SLC6A6: variants seen among roughly 807,000 people sequenced by gnomAD.
The protein encoded by SLC6A6 is sodium- and chloride-dependent taurine transporter.
A neutral mutation model predicts 68.8 loss-of-function variants in SLC6A6; 16 were observed. The ratio of observed to expected loss-of-function variants is 0.23; its 90% CI spans 0.16 to 0.35. The LOEUF is 0.35. SLC6A6 is among the 10% of genes least tolerant of loss of function. The pLI is 1.00. For synonymous variants in SLC6A6, 312 were observed against 315.4 expected, an observed-to-expected ratio of 0.99 and a Z score of 0.12; for missense variants, 474 against 802.8, an observed-to-expected ratio of 0.59 and a Z score of 4.95.
At chr3:14,406,564 C>T (rs552215525) in intron 1 of SLC6A6, among the ~76,000 whole-genome samples, 25 of 152,148 alleles carry the variant, frequency 1.6e-4, no homozygotes, top group Non-Finnish European at 2.5e-4. Flanking sequence ...GCTATTTAAC[C>T]GGTACACAGG....
In SLC6A6 at chr3:14,468,339, C is replaced by T; in HGVS notation, c.1096+127C>T. 1.4e-6 allele frequency: 1 copy of T among 735,748 alleles called. No individual in the cohort carries two copies. Among genetic ancestry groups the T allele is most frequent in the Non-Finnish European group, 2.1e-6 (1 of 479,732 alleles). 45.6% of individuals were successfully genotyped at this position (735,748 alleles called of 1,614,324 possible). On this transcript the variant is annotated intron_variant, in intron 9 of 14. Coordinates refer to ENST00000622186, the MANE Select transcript of SLC6A6 (RefSeq NM_003043.6). This position sits in a 1 kb window ranked among gnomAD's most constrained non-coding sequence, Gnocchi z 4.5. ...CGAGCCTGGTTTCTAAAATGGACCC[C>T]CCCCCCGCCACCAAGATATCCCCCA...
At position 14,477,958 on chromosome 3, in the gene SLC6A6, C is replaced by G. The variant is rs1483099280; in HGVS notation, c.1348-508C>G. On this transcript the variant is annotated intron_variant, in intron 11 of 14. Coordinates refer to ENST00000622186, the MANE Select transcript of SLC6A6 (RefSeq NM_003043.6). The surrounding 1 kb of genome is among the most constrained non-coding windows in gnomAD (Gnocchi z 4.2). ...ATAAAGATTGTACTAAGAATGGAAG[C>G]CTAGCATCAAAGCCAGGGCACGCTC... is the stretch of plus-strand genomic sequence containing the variant. 6.6e-6 allele frequency among the ~76,000 whole-genome samples: 1 copy of G among 152,124 alleles called. No homozygotes were observed. The highest frequency in any genetic ancestry group is 2.4e-5 in the African/African-American group (1 of 41,414).
chr3:14,474,085 G>C (rs1700816063), intron 10 of SLC6A6, among the ~76,000 whole-genome samples: 1 of 152,216 alleles, frequency 6.6e-6, no homozygotes, highest in African/African-American at 2.4e-5. Context: ...AAGGCTCAGA[G>C]CAGTTAGATG....
chr3:14,418,738 G>A (rs562317652), intron 2 of SLC6A6, among the ~76,000 whole-genome samples: 6 of 152,150 alleles, frequency 3.9e-5, no homozygotes, highest in African/African-American at 9.7e-5. Context: ...TGCTAAACAC[G>A]TCACAGACTC....
chr3:14,408,807 T>TTTTG (rs1371832845), intron 1 of SLC6A6, among the ~76,000 whole-genome samples: 1 of 151,798 alleles, frequency 6.6e-6, no homozygotes, highest in African/African-American at 2.4e-5. Flanking sequence ...TTTGTTTTTT[T>TTTTG]TTTGTTTGTT....
At chr3:14,436,518 T>A (rs943007578) in intron 2 of SLC6A6, among the ~76,000 whole-genome samples, 1 of 131,898 alleles carries the variant, frequency 7.6e-6, no homozygotes, top group African/African-American at 2.8e-5. Flanking sequence ...ATAGCACTCT[T>A]AACAACAACT....
At chr3:14,411,173 G>T (rs904184259) in intron 1 of SLC6A6, 2 of 152,328 alleles carry the variant, frequency 1.3e-5, no homozygotes, top group African/African-American at 4.8e-5. Flanking sequence ...CTAGTGCTTT[G>T]TGAAATCAAG....
At chr3:14,462,785 T>C (rs1700525769) in intron 6 of SLC6A6, among the ~76,000 whole-genome samples, 1 of 152,118 alleles carries the variant, frequency 6.6e-6, no homozygotes, top group Non-Finnish European at 1.5e-5. Context: ...AAATCTGCAT[T>C]TTCCATAGGG....
At chr3:14,457,513 G>A (rs956539275) in intron 5 of SLC6A6, among the ~76,000 whole-genome samples, 2 of 152,202 alleles carry the variant, frequency 1.3e-5, no homozygotes, top group Admixed American at 1.3e-4. Context: ...CTTTATAGAC[G>A]AGGAGCCAGA....
chr3:14,410,621 G>A (rs1237006020), intron 1 of SLC6A6, among the ~76,000 whole-genome samples: 2 of 152,212 alleles, frequency 1.3e-5, no homozygotes, highest in East Asian at 3.9e-4. Flanking sequence ...GCAGGCCTAG[G>A]CTGGAAGGCA....
At chr3:14,455,107 T>C (rs1700339414) in intron 5 of SLC6A6, among the ~76,000 whole-genome samples, 1 of 152,176 alleles carries the variant, frequency 6.6e-6, no homozygotes, top group East Asian at 1.9e-4. Flanking sequence ...TGGCCACCCA[T>C]GCAGATGTAA....
chr3:14,461,501 G>T lies in SLC6A6; in HGVS notation c.732+3419G>T, dbSNP rs565819958. On this transcript the variant is annotated intron_variant, in intron 6 of 14. Coordinates refer to ENST00000622186, the MANE Select transcript of SLC6A6 (RefSeq NM_003043.6). ...TCACAGAGTGGGGTCTGGGAAGGGG[G>T]CAGAGATCCAGACACTCACACAGGA... 5.9e-5 allele frequency among the ~76,000 whole-genome samples: 9 copies of T among 152,342 alleles called. No individual in the cohort carries two copies. The East Asian group carries it at 1.5e-3, about 26-fold the overall frequency.
rs141988165 is a variant in SLC6A6 at position 14,447,365 on chromosome 3, C to A, written c.365-217C>A. On this transcript the variant is annotated intron_variant, in intron 4 of 14. Coordinates refer to ENST00000622186, the MANE Select transcript of SLC6A6 (RefSeq NM_003043.6). ...CCATCCATCCATTGTTCTATCCCCC[C>A]TGCCCCCTGCCATCCATCCCATTTA... 1.4e-4 allele frequency among the ~76,000 whole-genome samples: 21 copies of A among 152,290 alleles called. 1 individual carries two copies. Among genetic ancestry groups the A allele is most frequent in the African/African-American group, 5.1e-4 (21 of 41,550 alleles).
intron 2 of SLC6A6, among the ~76,000 whole-genome samples, chr3:14,437,792 C>CTTAT (rs576418195): frequency 2.3e-4 from 35 of 151,258 alleles, no homozygotes; most frequent in Non-Finnish European, 2.7e-4. Flanking sequence ...TCCACTTTTT[C>CTTAT]TTATTTATTT....
chr3:14,409,699 A>G lies in SLC6A6; in HGVS notation c.-53-6713A>G, dbSNP rs183576818. ...GTTAGTGAACAGTCTAAGATGGTTTATGCCAAGGCAGGCCAAGGATCCAGT... is the reference window on the plus strand; with the variant it reads ...GTTAGTGAACAGTCTAAGATGGTTTGTGCCAAGGCAGGCCAAGGATCCAGT... On this transcript the variant is annotated intron_variant, in intron 1 of 14. Coordinates refer to ENST00000622186, the MANE Select transcript of SLC6A6 (RefSeq NM_003043.6). 2.7e-3 allele frequency among the ~76,000 whole-genome samples: 418 copies of G among 152,322 alleles called. 3 individuals are homozygous for G. The highest frequency in any genetic ancestry group is 8.2e-3 in the African/African-American group (339 of 41,578).
Position 14,402,977 on chromosome 3 carries a change from A to C in SLC6A6, c.-54+130A>C. ...GCGCCCATCCGGCGCCCCTTTCACCACCGCGGAAGGGACCGAGAGTCGCCT... is the reference window on the plus strand; with the variant it reads ...GCGCCCATCCGGCGCCCCTTTCACCCCCGCGGAAGGGACCGAGAGTCGCCT... On this transcript the variant is annotated intron_variant, in intron 1 of 14. Coordinates refer to ENST00000622186, the MANE Select transcript of SLC6A6 (RefSeq NM_003043.6). This position sits in a 1 kb window ranked among gnomAD's most constrained non-coding sequence, Gnocchi z 4.8. The C allele has an allele frequency of 2.7e-6, 1 of 376,610 alleles. No individual in the cohort carries two copies. The allele number at this position is 376,610 out of a possible 1,614,324, so 23.3% of individuals were successfully genotyped here. A position where few individuals can be genotyped will look rare whatever the true frequency, so the allele number is the denominator to read the frequency against.
Position 14,481,621 on chromosome 3 carries a change from A to ACC in SLC6A6, c.1552-45_1552-44dup. The ACC allele has an allele frequency of 1.5e-6, 1 of 655,036 alleles. No homozygotes were observed. The highest frequency in any genetic ancestry group is 2.6e-6 in the Non-Finnish European group (1 of 380,110). The allele number at this position is 655,036 out of a possible 1,614,324, so 40.6% of individuals were successfully genotyped here. A position where few individuals can be genotyped will look rare whatever the true frequency, so the allele number is the denominator to read the frequency against. ...CCAGTCCTAGTCCCAGAAGCCCCCC[A>ACC]CCCCCCGATGCCCAGGACCCCTCTC... On this transcript the variant is annotated intron_variant, in intron 13 of 14. Coordinates refer to ENST00000622186, the MANE Select transcript of SLC6A6 (RefSeq NM_003043.6). The surrounding 1 kb of genome is among the most constrained non-coding windows in gnomAD (Gnocchi z 4.7).
intron 2 of SLC6A6, among the ~76,000 whole-genome samples, chr3:14,419,282 A>G (rs535160308): frequency 6.6e-6 from 1 of 152,290 alleles, no homozygotes; most frequent in South Asian, 2.1e-4. Flanking sequence ...GTCTAGAGGA[A>G]CAGGGTGGAA....
At chr3:14,463,486 T>A (rs1442864378) in intron 6 of SLC6A6, among the ~76,000 whole-genome samples, 1 of 152,230 alleles carries the variant, frequency 6.6e-6, no homozygotes, top group Non-Finnish European at 1.5e-5. Context: ...CTTGGCCCAG[T>A]GGAGGCCTGG....
Sources: allele counts gnomAD v4.1 joint callset (sites outside exome capture counted in the v4.1 genomes callset), GRCh38; gene constraint gnomAD v4.1.1; non-coding constraint Gnocchi (gnomAD v3.1); transcripts MANE v1.5; gene names NCBI Gene and HGNC (gene_info 2026-07-23, HGNC 2026-07-21).